The following ZNF248 variants were observed in gnomAD, a reference collection of about 807,000 sequenced individuals.
ZNF248 encodes the protein zinc finger protein 248.
A neutral mutation model predicts 44.3 loss-of-function variants in ZNF248; 20 were observed. The observed-to-expected ratio is 0.45, with a 90% CI of 0.32 to 0.66. The LOEUF is 0.66. Ranked by LOEUF, ZNF248 falls within the 30% of genes least tolerant of loss-of-function variation. The pLI is 0.04. For missense variants in ZNF248, 654 were observed against 677.0 expected, an observed-to-expected ratio of 0.97 and a Z score of 0.38; for synonymous variants, 224 against 229.0, an observed-to-expected ratio of 0.98 and a Z score of 0.20.
chr10:37,821,319 TAG>T (rs1328318127), intron 6 of ZNF248, among the ~76,000 whole-genome samples: 1 of 152,154 alleles, frequency 6.6e-6, no homozygotes, highest in Non-Finnish European at 1.5e-5. Flanking sequence ...CATTCGCATT[TAG>T]AGAGGAAGAA....
chr10:37,854,360 A>G (rs1271038495), intron 3 of ZNF248, among the ~76,000 whole-genome samples: 1 of 152,258 alleles, frequency 6.6e-6, no homozygotes, highest in Non-Finnish European at 1.5e-5. Flanking sequence ...CACAAGGGTA[A>G]AAGACACTGG....
At chr10:37,776,416 G>A (rs901398607), downstream of ZNF248, 5 of 390,370 alleles carry the variant, frequency 1.3e-5, no homozygotes, top group Middle Eastern at 6.4e-4. Context: ...TGTGCAAACT[G>A]TCAGGCTCTG....
intron 3 of ZNF248, 90 bp downstream of exon 3, chr10:37,856,206 T>A: frequency 6.8e-7 from 1 of 1,462,980 alleles, no homozygotes; most frequent in South Asian, 1.3e-5. Context: ...TTTTGCCTAT[T>A]TCTATTTTTC....
intron 6 of ZNF248, among the ~76,000 whole-genome samples, chr10:37,816,908 G>C (rs2052565129): frequency 6.6e-6 from 1 of 151,938 alleles, no homozygotes. Flanking sequence ...TTCTGGCTTG[G>C]AACCTCCACA....
At chr10:37,758,808 T>G in the ZNF248 span, among the ~76,000 whole-genome samples, 1 of 152,254 alleles carries the variant, frequency 6.6e-6, no homozygotes, top group African/African-American at 2.4e-5. Flanking sequence ...TCTGTTTCCC[T>G]GTTTTTAATG....
At position 37,829,898 on chromosome 10, in the gene ZNF248, T is replaced by C; in HGVS notation, c.*1717A>G. 3.0e-6 allele frequency: 3 copies of C among 985,394 alleles called. No homozygotes were observed. Among genetic ancestry groups the C allele is most frequent in the Non-Finnish European group, 3.6e-6 (3 of 829,922 alleles). The allele number at this position is 985,394 out of a possible 1,614,324, so 61.0% of individuals were successfully genotyped here. On this transcript the variant is annotated 3_prime_UTR_variant, in exon 6 of 6. Coordinates refer to ENST00000395867, the MANE Select transcript of ZNF248 (RefSeq NM_021045.3). Reference sequence around the variant, plus strand: ...TGATTAGCTTTGACTAATCTGGACTTACCACCTAAGTCATCTGGGAGAAGG... The same window carrying C: ...TGATTAGCTTTGACTAATCTGGACTCACCACCTAAGTCATCTGGGAGAAGG...
At chr10:37,759,012 AGAC>A in the ZNF248 span, among the ~76,000 whole-genome samples, 3 of 152,306 alleles carry the variant, frequency 2.0e-5, no homozygotes, top group African/African-American at 7.2e-5. Flanking sequence ...GTGCTAAAGG[AGAC>A]CACTAGGCAA....
intron 6 of ZNF248, among the ~76,000 whole-genome samples, chr10:37,787,633 T>TTTGGC (rs2048039232): frequency 7.6e-6 from 1 of 132,192 alleles, no homozygotes; most frequent in African/African-American, 3.0e-5. Context: ...GGGACAATTG[T>TTTGGC]ATATCCCCAT....
chr10:37,803,721 T>C (rs982120402), intron 6 of ZNF248: 2 of 152,542 alleles, frequency 1.3e-5, no homozygotes, highest in Non-Finnish European at 2.9e-5. Flanking sequence ...GTAAATTTAG[T>C]TGGAACCTTC....
rs2057588217 is a variant in ZNF248 at position 37,838,064 on chromosome 10, C to T, written c.63G>A (p.Glu21=). ...TCTGAGCAGGGTCCAGCAGATACCA[C>T]TCTTCCTGAGTGAAGTCCACACATA... The part of the protein sequence containing the change: ...KDVCVDFTQE[E]WYLLDPAQKI... Residue 21 remains glutamate (E), a synonymous_variant, in exon 4 of 6, where the codon GAG becomes GAA. Coordinates refer to ENST00000395867, the MANE Select transcript of ZNF248 (RefSeq NM_021045.3). The T allele has an allele frequency of 6.2e-7, 1 of 1,613,698 alleles. No homozygotes were observed. The highest frequency in any genetic ancestry group is 1.7e-4 in the Middle Eastern group (1 of 6,056).
At chr10:37,838,158 T>C (rs754514350) in intron 3 of ZNF248, 47 bp from the exon 4 acceptor site, 1 of 1,555,606 alleles carries the variant, frequency 6.4e-7, no homozygotes, top group Non-Finnish European at 8.7e-7. Context: ...AACTAGATGA[T>C]ACAGAAAAGA....
chr10:37,820,387 T>C (rs1290763362), intron 6 of ZNF248: 1 of 1,481,342 alleles, frequency 6.8e-7, no homozygotes, highest in African/African-American at 1.4e-5. Context: ...TTTGTTAGCA[T>C]TGCTGACATG....
intron 4 of ZNF248, 106 bp from the exon 5 acceptor site, chr10:37,837,818 T>C (rs569930750): frequency 7.3e-7 from 1 of 1,364,794 alleles, no homozygotes; most frequent in South Asian, 1.3e-5. Flanking sequence ...ACTCAAAGAA[T>C]GTGCACAAAT....
the ZNF248 span, among the ~76,000 whole-genome samples, chr10:37,763,737 C>A: frequency 6.6e-6 from 1 of 152,186 alleles, no homozygotes; most frequent in East Asian, 1.9e-4. Flanking sequence ...CCGGCTGAAG[C>A]CATGGCAGAA....
At chr10:37,775,225 AAT>A (rs1265806964), downstream of ZNF248, 1 of 151,320 alleles carries the variant, frequency 6.6e-6, no homozygotes, top group African/African-American at 2.4e-5. Flanking sequence ...CTTTATAATT[AAT>A]ATGTTGACTT....
chr10:37,815,136 G>T (rs1159847544), intron 6 of ZNF248, among the ~76,000 whole-genome samples: 1 of 151,422 alleles, frequency 6.6e-6, no homozygotes, highest in Non-Finnish European at 1.5e-5. Context: ...GCATCATCTT[G>T]GCTCACTGCA....
At chr10:37,841,093 G>C (rs986527136) in intron 3 of ZNF248, among the ~76,000 whole-genome samples, 1 of 152,174 alleles carries the variant, frequency 6.6e-6, no homozygotes. Flanking sequence ...TTGTGTCATA[G>C]ATGAAAAGGC....
the ZNF248 span, among the ~76,000 whole-genome samples, chr10:37,762,348 G>A: frequency 4.6e-5 from 7 of 152,174 alleles, no homozygotes; most frequent in Non-Finnish European, 1.0e-4. Context: ...GGTAACATTA[G>A]TATCATCATT....
intron 6 of ZNF248, among the ~76,000 whole-genome samples, chr10:37,780,632 C>T (rs924518914): frequency 2.6e-5 from 4 of 152,204 alleles, no homozygotes; most frequent in African/African-American, 7.2e-5. Flanking sequence ...GACTAATTCA[C>T]ACCCAGCTCA....
Sources: allele counts gnomAD v4.1 joint callset (sites outside exome capture counted in the v4.1 genomes callset), GRCh38; gene constraint gnomAD v4.1.1; transcripts MANE v1.5; gene names NCBI Gene and HGNC (gene_info 2026-07-23, HGNC 2026-07-21).